Variants in RHPN2 observed in about 807,000 individuals in gnomAD.
RHPN2 encodes the protein rhophilin-2.
Under a neutral mutation model 79.0 loss-of-function variants are expected in RHPN2, and 40 were observed. The ratio of observed to expected loss-of-function variants is 0.51; its 90% CI spans 0.39 to 0.66. The LOEUF (loss-of-function observed/expected upper bound fraction) is 0.66. Among genes scored for constraint, RHPN2 ranks in the 30% least tolerant of loss-of-function variants. The pLI is 0.00. For missense variants in RHPN2, 686 were observed against 883.5 expected (o/e 0.78, Z 2.83); for synonymous variants, 285 against 363.5 (o/e 0.78, Z 2.46).
At position 33,064,859 on chromosome 19, in the gene RHPN2, G is replaced by A. The variant is rs964090221; in HGVS notation, c.-7C>T. 4 of 1,503,182 alleles carry A rather than the reference G, an allele frequency of 2.7e-6. No homozygotes were observed. Among genetic ancestry groups the A allele is most frequent in the South Asian group, 2.5e-5 (2 of 81,054 alleles). The allele number at this position is 1,503,182 out of a possible 1,614,324, so 93.1% of individuals were successfully genotyped here. A position where few individuals can be genotyped will look rare whatever the true frequency, so the allele number is the denominator to read the frequency against. On this transcript the variant is annotated 5_prime_UTR_variant, in exon 1 of 15. Transcript: ENST00000254260. ...GCAACAGCGCGTCGGTCATGCTAGC[G>A]GCGCGGGCGCGGAGGGCGGACGGCG...
intron 3 of RHPN2, among the ~76,000 whole-genome samples, chr19:33,024,427 C>A (rs1382978377): frequency 6.6e-6 from 1 of 151,992 alleles, no homozygotes; most frequent in Non-Finnish European, 1.5e-5. Context: ...AGAGAGACTC[C>A]ATCTCAAAAA....
chr19:32,991,847 G>C lies in RHPN2; in HGVS notation c.1620C>G (p.Phe540Leu). 6.2e-7 allele frequency: 1 copy of C among 1,613,956 alleles called. No individual in the cohort carries two copies. Among genetic ancestry groups the C allele is most frequent in the Non-Finnish European group, 8.5e-7 (1 of 1,179,872 alleles). ...CCGAGGCAGAGCAGTAAGGATCCAG[G>C]AAGTGAACCTGAACGGGGGCGTTCC... ...LRGNAPVQVHFLDPYCSASVA... is the reference protein window; with the variant it reads ...LRGNAPVQVHLLDPYCSASVA... The change falls in exon 13 of 15, where the codon TTC (phenylalanine) becomes TTG (leucine). Residue 540 changes from phenylalanine (F) to leucine (L), a missense_variant. By Grantham distance (22) the Phe-to-Leu change is conservative (BLOSUM62 0). Transcript: ENST00000254260.
At chr19:32,990,464 G>GA (rs1463171727) in intron 14 of RHPN2, 50 bp downstream of exon 14, 6 of 1,604,358 alleles carry the variant, frequency 3.7e-6, no homozygotes, top group Non-Finnish European at 5.1e-6. Flanking sequence ...AACTCATGCA[G>GA]ATTTCACTCC....
chr19:33,028,648 CATT>C (rs931321512), intron 2 of RHPN2, among the ~76,000 whole-genome samples: 72 of 152,248 alleles, frequency 4.7e-4, no homozygotes, highest in South Asian at 2.5e-3. Flanking sequence ...TGGGAAGGCT[CATT>C]ATTGTCAAGA....
intron 1 of RHPN2, among the ~76,000 whole-genome samples, chr19:33,048,725 C>CAAAATAAAAAA (rs1972162543): frequency 1.6e-5 from 1 of 62,674 alleles, no homozygotes; most frequent in Non-Finnish European, 2.9e-5. Flanking sequence ...GACTCAGTCT[C>CAAAATAAAAAA]AAAAAAAAAA....
chr19:33,049,979 T>C (rs1318723666), intron 1 of RHPN2, among the ~76,000 whole-genome samples: 4 of 152,232 alleles, frequency 2.6e-5, no homozygotes, highest in Admixed American at 1.3e-4. Context: ...GGAACAGTGA[T>C]GCCAGCCCAC....
At chr19:32,981,476 AGAG>A (rs1311611732) in intron 14 of RHPN2, among the ~76,000 whole-genome samples, 1 of 136,662 alleles carries the variant, frequency 7.3e-6, no homozygotes, top group Non-Finnish European at 1.6e-5. Context: ...AGGAAAGGGA[AGAG>A]GAGAAGGGAA....
intron 3 of RHPN2, among the ~76,000 whole-genome samples, chr19:33,022,412 G>A (rs1402264092): frequency 1.3e-5 from 2 of 152,070 alleles, no homozygotes; most frequent in African/African-American, 4.8e-5. Flanking sequence ...CACAGCTGTG[G>A]AAGCTCTCCA....
chr19:33,009,911 T>C (rs1429851930), intron 6 of RHPN2, among the ~76,000 whole-genome samples: 1 of 152,146 alleles, frequency 6.6e-6, no homozygotes, highest in Non-Finnish European at 1.5e-5. Context: ...CCCAAGTAGC[T>C]GGGATTACAG....
In RHPN2 at chr19:32,988,073, C is replaced by G. The variant is rs148454917; in HGVS notation, c.1800+2441G>C. ...AATTAGCCAGGCATAGTGGTACACA[C>G]CTGTAGTTCCAGCTACTCGGGAGGC... is the stretch of plus-strand genomic sequence containing the variant. On this transcript the variant is annotated intron_variant, in intron 14 of 14. Coordinates refer to ENST00000254260, the MANE Select transcript of RHPN2 (RefSeq NM_033103.5). Among the ~76,000 whole-genome samples the G allele has an allele frequency of 7.7e-3, 1,172 of 152,146 alleles. 21 individuals carry two copies. Among genetic ancestry groups the G allele is most frequent in the African/African-American group, 0.027 (1,140 of 41,514 alleles).
chr19:33,025,985 T>TTG (rs201494542), intron 3 of RHPN2, among the ~76,000 whole-genome samples: 2,148 of 150,720 alleles, frequency 0.014, 42 homozygotes, highest in Middle Eastern at 0.038. Context: ...TCATTTGTTT[T>TTG]TTTTTTTTTT....
intron 1 of RHPN2, among the ~76,000 whole-genome samples, chr19:33,046,334 C>G (rs985725369): frequency 1.3e-5 from 2 of 152,036 alleles, no homozygotes; most frequent in African/African-American, 2.4e-5. Flanking sequence ...GGCTCGATCT[C>G]GGCTCATTGC....
chr19:33,029,351 C>G (rs1460833131), intron 2 of RHPN2, among the ~76,000 whole-genome samples: 2 of 151,372 alleles, frequency 1.3e-5, no homozygotes, highest in Non-Finnish European at 2.9e-5. Context: ...ATAGTGAAAC[C>G]CTGTCTCTAC....
intron 7 of RHPN2, among the ~76,000 whole-genome samples, chr19:33,006,389 G>C (rs558460895): frequency 6.6e-6 from 1 of 152,192 alleles, no homozygotes; most frequent in South Asian, 2.1e-4. Flanking sequence ...TAGAGATGGG[G>C]TCCTCCTGTG....
intron 2 of RHPN2, among the ~76,000 whole-genome samples, chr19:33,036,878 G>A (rs10402158): frequency 7.4e-5 from 11 of 148,558 alleles, no homozygotes; most frequent in African/African-American, 1.6e-4. Context: ...GAGCCCCCCC[G>A]CCACCCTCTG....
intron 6 of RHPN2, among the ~76,000 whole-genome samples, chr19:33,010,793 T>C (rs1389310714): frequency 6.6e-6 from 1 of 152,158 alleles, no homozygotes; most frequent in Non-Finnish European, 1.5e-5. Flanking sequence ...GTGATTCTCC[T>C]GCCTCAGCCT....
intron 10 of RHPN2, among the ~76,000 whole-genome samples, chr19:32,996,703 A>AC (rs1971704678): frequency 2.0e-5 from 3 of 150,592 alleles, no homozygotes; most frequent in East Asian, 2.0e-4. Context: ...GCTTCAGTTA[A>AC]ACCCCCCTCC....
At chr19:32,980,643 G>A (rs2145995900) in intron 14 of RHPN2, among the ~76,000 whole-genome samples, 1 of 152,148 alleles carries the variant, frequency 6.6e-6, no homozygotes, top group East Asian at 1.9e-4. Flanking sequence ...GGAAACTCAG[G>A]TGACCAATGC....
At chr19:33,005,457 A>C (rs1001542415) in intron 7 of RHPN2, among the ~76,000 whole-genome samples, 4 of 150,860 alleles carry the variant, frequency 2.7e-5, no homozygotes, top group African/African-American at 9.7e-5. Context: ...GTCTGCTCCA[A>C]TGGAAATTTT....
Sources: allele counts gnomAD v4.1 joint callset (sites outside exome capture counted in the v4.1 genomes callset), GRCh38; gene constraint gnomAD v4.1.1; transcripts MANE v1.5; gene names NCBI Gene and HGNC (gene_info 2026-07-23, HGNC 2026-07-21).